The following DCUN1D2 variants were observed in gnomAD, a reference collection of about 807,000 sequenced individuals.
The protein encoded by DCUN1D2 is defective in cullin neddylation 1 domain containing 2.
DCUN1D2 carries 29 observed loss-of-function variants against 30.9 expected under a neutral mutation model. That is an observed-to-expected ratio of 0.94 (90% CI 0.70 to 1.28). The LOEUF (loss-of-function observed/expected upper bound fraction) is 1.28, where lower values mean the gene tolerates loss of function less well. Among genes scored for constraint, DCUN1D2 ranks in the 50% most tolerant of loss-of-function variants. The pLI, the probability that DCUN1D2 is intolerant of heterozygous loss-of-function variation, is 0.00. For missense variants in DCUN1D2, 325 were observed against 316.9 expected (o/e 1.03, Z -0.19); for synonymous variants, 121 against 115.3 (o/e 1.05, Z -0.32).
intron 4 of DCUN1D2, among the ~76,000 whole-genome samples, chr13:113,469,299 G>A (rs142888727): frequency 3.5e-4 from 54 of 152,216 alleles, no homozygotes; most frequent in African/African-American, 1.1e-3. Flanking sequence ...CCCATACAAT[G>A]CTATCCTGAG....
At chr13:113,472,109 C>A (rs562414018) in intron 4 of DCUN1D2, among the ~76,000 whole-genome samples, 2 of 152,024 alleles carry the variant, frequency 1.3e-5, no homozygotes, top group African/African-American at 2.4e-5. Context: ...ACTCTGAGCC[C>A]GTGGTGTGTG....
intron 4 of DCUN1D2, among the ~76,000 whole-genome samples, chr13:113,469,658 C>T (rs995881479): frequency 6.6e-6 from 1 of 151,618 alleles, no homozygotes; most frequent in Non-Finnish European, 1.5e-5. Context: ...ACCTGGGCAA[C>T]GGAGGGAGAC....
intron 1 of DCUN1D2, among the ~76,000 whole-genome samples, chr13:113,486,776 G>A (rs1594128765): frequency 6.6e-6 from 1 of 152,298 alleles, no homozygotes; most frequent in East Asian, 1.9e-4. Context: ...CAAGGGGAAG[G>A]TAGAACTCAG....
chr13:113,476,164 G>C (rs1187585194), intron 3 of DCUN1D2: 1 of 152,200 alleles, frequency 6.6e-6, no homozygotes, highest in Non-Finnish European at 1.5e-5. Context: ...TCCTGGTTTG[G>C]AGTAATGGTG....
chr13:113,466,157 G>A (rs894650995), intron 4 of DCUN1D2, among the ~76,000 whole-genome samples: 6 of 152,146 alleles, frequency 3.9e-5, no homozygotes, highest in African/African-American at 1.2e-4. Flanking sequence ...TTACCGGTGT[G>A]AGCCACCACA....
In DCUN1D2 at chr13:113,490,467, G is replaced by A; in HGVS notation, c.3+200C>T. The A allele has an allele frequency of 2.0e-6, 1 of 499,026 alleles. No individual in the cohort carries two copies. Among genetic ancestry groups the A allele is most frequent in the Non-Finnish European group, 3.1e-6 (1 of 323,872 alleles). 30.9% of individuals were successfully genotyped at this position (499,026 alleles called of 1,614,324 possible). ...TCCCTCGCGGCTCCGGGTCAAACCC[G>A]CGCTCCCCGCGGTCCCGCGCCTCCG... is the stretch of plus-strand genomic sequence containing the variant. On this transcript the variant is annotated intron_variant, in intron 1 of 6. Transcript: ENST00000478244. The surrounding 1 kb of genome is among the most constrained non-coding windows in gnomAD (Gnocchi z 5.2).
chr13:113,463,489 T>G (rs761838114), intron 4 of DCUN1D2, among the ~76,000 whole-genome samples: 2 of 151,416 alleles, frequency 1.3e-5, no homozygotes, highest in Non-Finnish European at 2.9e-5. Context: ...GTCAAGAGTT[T>G]GAGACCAGCC....
At chr13:113,477,678 C>G (rs2044640637) in intron 3 of DCUN1D2, among the ~76,000 whole-genome samples, 1 of 151,412 alleles carries the variant, frequency 6.6e-6, no homozygotes, top group Admixed American at 6.6e-5. Flanking sequence ...AAGAACTGCC[C>G]CTCTTATTCT....
At chr13:113,465,654 T>C (rs2044389471) in intron 4 of DCUN1D2, among the ~76,000 whole-genome samples, 1 of 150,328 alleles carries the variant, frequency 6.7e-6, no homozygotes. Flanking sequence ...ACATCATTAT[T>C]CTCTTGTCTA....
chr13:113,483,843 T>G lies in DCUN1D2; in HGVS notation c.217A>C (p.Lys73Gln). ...KKLERLYGRY[K>Q]DPQDENKIGV... ...CTTTGCTGCAGTCTCCTCTTACCTT[T>G]GTACCTGCCGTACAGCCGCTCCAGC... Residue 73 changes from lysine (K) to glutamine (Q), a missense_variant, in exon 2 of 7, where the codon AAA becomes CAA. Lys to Gln is a moderately conservative substitution (Grantham distance 53, BLOSUM62 1). Transcript: ENST00000478244. 6.2e-7 allele frequency: 1 copy of G among 1,612,228 alleles called. No homozygotes were observed. The highest frequency in any genetic ancestry group is 2.2e-5 in the East Asian group (1 of 44,890).
chr13:113,483,821 T>G lies in DCUN1D2; in HGVS notation c.220+19A>C. On this transcript the variant is annotated intron_variant, in intron 2 of 6. Coordinates refer to ENST00000478244, the MANE Select transcript of DCUN1D2 (RefSeq NM_001014283.2). ...GCGGAGGCCGACATCCGTCCGGCTT[T>G]GCTGCAGTCTCCTCTTACCTTTGTA... is the stretch of plus-strand genomic sequence containing the variant. 1 of 1,608,200 alleles carries G rather than the reference T, an allele frequency of 6.2e-7. No homozygotes were observed. The highest frequency in any genetic ancestry group is 8.5e-7 in the Non-Finnish European group (1 of 1,177,108).
rs111328720 is a variant in DCUN1D2 at position 113,470,685 on chromosome 13, C to T, written c.520+3439G>A. On this transcript the variant is annotated intron_variant, in intron 4 of 6. Coordinates refer to ENST00000478244, the MANE Select transcript of DCUN1D2 (RefSeq NM_001014283.2). ...ACGCAAGACCCAACTCCACAGGGGA[C>T]GCAACTCCACAGGGGACCCAACTCC... Among the ~76,000 whole-genome samples the T allele has an allele frequency of 2.9e-4, 44 of 150,400 alleles. No individual in the cohort carries two copies. In the East Asian group the frequency reaches 7.2e-3, roughly 25 times the overall value.
chr13:113,482,764 GA>G (rs2044732478), intron 2 of DCUN1D2, among the ~76,000 whole-genome samples: 1 of 152,178 alleles, frequency 6.6e-6, no homozygotes, highest in Non-Finnish European at 1.5e-5. Context: ...CCAACATGGT[GA>G]AACCCCGTCT....
rs77390073 is a variant in DCUN1D2, at chr13:113,461,735, C to T, written c.521-599G>A. On this transcript the variant is annotated intron_variant, in intron 4 of 6. Coordinates refer to ENST00000478244, the MANE Select transcript of DCUN1D2 (RefSeq NM_001014283.2). ...GACACTGCGTATCAATCAAAGCCAA[C>T]GCCCTCTTTTCCCACACGGGAAGGT... 3.2e-3 allele frequency among the ~76,000 whole-genome samples: 495 copies of T among 152,334 alleles called. 1 individual carries two copies. The highest frequency in any genetic ancestry group is 0.011 in the African/African-American group (466 of 41,586).
At chr13:113,482,334 T>G (rs1220579458) in intron 2 of DCUN1D2, among the ~76,000 whole-genome samples, 1 of 152,240 alleles carries the variant, frequency 6.6e-6, no homozygotes, top group Non-Finnish European at 1.5e-5. Context: ...TTTCCACTTA[T>G]ACACAAGTAT....
rs967558987 is a variant in DCUN1D2 at position 113,490,135 on chromosome 13, C to T, written c.3+532G>A. ...TACCAGCTCCACAGATGCACACCTA[C>T]AGCCACGCTACAGCTCCCGGCTAGA... On this transcript the variant is annotated intron_variant, in intron 1 of 6. Coordinates refer to ENST00000478244, the MANE Select transcript of DCUN1D2 (RefSeq NM_001014283.2). This position sits in a 1 kb window ranked among gnomAD's most constrained non-coding sequence, Gnocchi z 5.2. Among the ~76,000 whole-genome samples the T allele has an allele frequency of 2.0e-5, 3 of 152,228 alleles. No homozygotes were observed. Among genetic ancestry groups the T allele is most frequent in the Non-Finnish European group, 4.4e-5 (3 of 68,042 alleles).
At chr13:113,479,150 T>C (rs548745243) in intron 3 of DCUN1D2, 2 of 152,340 alleles carry the variant, frequency 1.3e-5, no homozygotes, top group African/African-American at 4.8e-5. Context: ...CCTAGGCCAT[T>C]TGTTGTGCTG....
intron 2 of DCUN1D2, among the ~76,000 whole-genome samples, chr13:113,483,010 A>C (rs866474629): frequency 6.6e-6 from 1 of 152,202 alleles, no homozygotes; most frequent in Non-Finnish European, 1.5e-5. Context: ...AAATTATTGT[A>C]TATTTGGGCT....
intron 4 of DCUN1D2, among the ~76,000 whole-genome samples, chr13:113,465,390 C>T (rs977640154): frequency 4.6e-5 from 7 of 151,986 alleles, no homozygotes; most frequent in African/African-American, 9.7e-5. Flanking sequence ...AAATCATGAT[C>T]GTTACACTCA....
Sources: allele counts gnomAD v4.1 joint callset (sites outside exome capture counted in the v4.1 genomes callset), GRCh38; gene constraint gnomAD v4.1.1; non-coding constraint Gnocchi (gnomAD v3.1); transcripts MANE v1.5; gene names NCBI Gene and HGNC (gene_info 2026-07-23, HGNC 2026-07-21).